The following ANK2 variants were observed in gnomAD, a reference collection of about 807,000 sequenced individuals.
ANK2 encodes the protein ankyrin 2.
In ANK2, 83 loss-of-function variants were observed where a neutral mutation model predicts 360.5. The ratio of observed to expected loss-of-function variants is 0.23; its 90% CI spans 0.19 to 0.28. ANK2 has a LOEUF of 0.28. ANK2 is among the 10% of genes least tolerant of loss of function. The pLI is 1.00. For synonymous variants in ANK2, 1,740 were observed against 1,759.5 expected (o/e 0.99, Z 0.28); for missense variants, 4,201 against 4,795.7 (o/e 0.88, Z 3.66).
In ANK2 at chr4:113,373,392, T is replaced by C. The variant is rs2096811530; in HGVS notation, c.11802T>C (p.Asp3934=). ...AACCTGTCAACATCGAGGAAGGGGA[T>C]GGCTATTCCAAAGTTATAAAGCGTG... ...PQEPVNIEEG[D]GYSKVIKRVV... Residue 3934 remains aspartate, a synonymous_variant, in exon 45 of 46, where the codon GAT becomes GAC. Coordinates refer to ENST00000357077, the MANE Select transcript of ANK2 (RefSeq NM_001148.6). The C allele has an allele frequency of 6.2e-7, 1 of 1,614,184 alleles. No individual in the cohort carries two copies. The highest frequency in any genetic ancestry group is 1.3e-5 in the African/African-American group (1 of 75,048).
the ANK2 span, among the ~76,000 whole-genome samples, chr4:112,745,723 G>A: frequency 3.4e-4 from 52 of 151,948 alleles, no homozygotes; most frequent in African/African-American, 8.9e-4. Flanking sequence ...AGTAGAGATG[G>A]GGTTTCTCCA....
At chr4:113,013,982 C>G (rs987537470) in intron 2 of ANK2, among the ~76,000 whole-genome samples, 1 of 151,756 alleles carries the variant, frequency 6.6e-6, no homozygotes, top group Admixed American at 6.6e-5. Flanking sequence ...TCATTCCAAT[C>G]TTGTATGTGG....
chr4:113,377,703 G>A (rs961456399), intron 45 of ANK2, among the ~76,000 whole-genome samples: 19 of 152,110 alleles, frequency 1.2e-4, no homozygotes, highest in African/African-American at 4.6e-4. Context: ...TTGACAACTG[G>A]CAATCTTGAA....
chr4:112,756,237 C>CAA, the ANK2 span, among the ~76,000 whole-genome samples: 2 of 119,734 alleles, frequency 1.7e-5, no homozygotes, highest in Non-Finnish European at 1.7e-5. Context: ...GACTCTGTCT[C>CAA]AAAAAAAAAA....
At chr4:113,341,658 T>C in intron 32 of ANK2, 30 bp from the exon 33 acceptor site, 2 of 1,608,314 alleles carry the variant, frequency 1.2e-6, no homozygotes, top group Non-Finnish European at 1.7e-6. Flanking sequence ...ACTTTGAACT[T>C]TAGATAACTG....
the ANK2 span, chr4:112,787,955 A>G: frequency 3.2e-6 from 2 of 623,492 alleles, no homozygotes; most frequent in Non-Finnish European, 5.7e-6. Context: ...TATGATCATT[A>G]TATGATCATT....
chr4:113,002,807 A>G (rs563448483), intron 2 of ANK2, among the ~76,000 whole-genome samples: 2 of 152,282 alleles, frequency 1.3e-5, no homozygotes, highest in African/African-American at 4.8e-5. Flanking sequence ...CCATCTTTTC[A>G]GTCTCATCTC....
intron 1 of ANK2, among the ~76,000 whole-genome samples, chr4:112,841,346 A>G (rs1199008403): frequency 6.6e-6 from 1 of 152,234 alleles, no homozygotes; most frequent in African/African-American, 2.4e-5. Flanking sequence ...TTATACGTTC[A>G]GTAAATATGG....
At position 113,383,634 on chromosome 4, in the gene ANK2, C is replaced by T. The variant is rs1221348964; in HGVS notation, c.*2163C>T. On this transcript the variant is annotated 3_prime_UTR_variant, in exon 46 of 46. Transcript: ENST00000357077. ...CACTAATTGAATATATCTATGAGGG[C>T]ATGTATTAGTTAATGGAAAAAAAAA... 2 of 152,370 alleles carry T rather than the reference C, an allele frequency of 1.3e-5. No individual in the cohort carries two copies. The highest frequency in any genetic ancestry group is 4.8e-5 in the African/African-American group (2 of 41,338). The allele number at this position is 152,370 out of a possible 1,614,324, so 9.4% of individuals were successfully genotyped here.
At chr4:113,374,792 C>T (rs1270376016) in intron 45 of ANK2, 1 of 1,200,592 alleles carries the variant, frequency 8.3e-7, no homozygotes, top group Non-Finnish European at 1.1e-6. Flanking sequence ...AGCATTTTGT[C>T]CAGTACCTCA....
At chr4:113,003,425 T>A (rs997234522) in intron 2 of ANK2, among the ~76,000 whole-genome samples, 1 of 151,994 alleles carries the variant, frequency 6.6e-6, no homozygotes, top group Non-Finnish European at 1.5e-5. Context: ...AAATAATGAA[T>A]CAAAAATTTA....
chr4:113,255,959 T>A (rs1586297363), intron 11 of ANK2, 27 bp downstream of exon 11: 1 of 1,606,984 alleles, frequency 6.2e-7, no homozygotes, highest in Admixed American at 1.7e-5. Context: ...CCACATTAAC[T>A]GAATACAGAT....
chr4:112,952,014 C>G (rs2095053634), intron 2 of ANK2, among the ~76,000 whole-genome samples: 1 of 152,170 alleles, frequency 6.6e-6, no homozygotes, highest in Non-Finnish European at 1.5e-5. Context: ...CTATTTCTCA[C>G]CATTGTACAA....
rs1408503954 is a variant in ANK2 at position 113,355,382 on chromosome 4, A to C, written c.6764A>C (p.Glu2255Ala). 3 of 1,613,932 alleles carry C rather than the reference A, an allele frequency of 1.9e-6. No homozygotes were observed. In the South Asian group the frequency reaches 3.3e-5, roughly 18 times the overall value. ...ESLSFSPKKS[E>A]EQTGETKEST... ...CTTTCTTTCTCACCAAAGAAAAGTG[A>C]GGAGCAAACTGGGGAAACAAAGGAA... Residue 2255 changes from glutamate (E) to alanine (A), a missense_variant, in exon 38 of 46, where the codon GAG becomes GCG. Physicochemically the swap from Glu to Ala is moderately radical, Grantham distance 107. Around this residue, in one of 4 missense-constraint regions of ANK2, gnomAD observed 2,642 missense variants for 2,714.5 expected, o/e 0.97. Coordinates refer to ENST00000357077, the MANE Select transcript of ANK2 (RefSeq NM_001148.6).
intron 1 of ANK2, among the ~76,000 whole-genome samples, chr4:112,847,494 T>G (rs2063594896): frequency 6.6e-6 from 1 of 152,180 alleles, no homozygotes; most frequent in Non-Finnish European, 1.5e-5. Context: ...TTGTATTATT[T>G]CAGAAGCCTC....
intron 1 of ANK2, among the ~76,000 whole-genome samples, chr4:113,112,047 A>C (rs779872081): frequency 1.3e-5 from 2 of 152,180 alleles, no homozygotes; most frequent in African/African-American, 2.4e-5. Context: ...CATAAAAAGA[A>C]GCTGTGTATG....
At position 112,895,583 on chromosome 4, in the gene ANK2, C is replaced by T. The variant is rs115955868; in HGVS notation, c.-39-8872C>T. Among the ~76,000 whole-genome samples, 414 of 152,150 alleles carry T rather than the reference C, an allele frequency of 2.7e-3. 2 individuals are homozygous for T. The highest frequency in any genetic ancestry group is 5.9e-3 in the Admixed American group (90 of 15,270). On this transcript the variant is annotated intron_variant, in intron 1 of 30. Coordinates refer to the ANK2 transcript ENST00000503271. The stretch of plus-strand genomic sequence containing the variant: ...TTTTTTTAATGCTCCACTGAGGCCA[C>T]AATTTTGCTATTATGCTCAGATAGC...
the ANK2 span, among the ~76,000 whole-genome samples, chr4:112,712,399 TATA>T: frequency 0.011 from 540 of 49,332 alleles, 9 homozygotes; most frequent in Non-Finnish European, 0.017. Flanking sequence ...TATATATATA[TATA>T]TATATTTTTT....
chr4:112,709,079 G>C, the ANK2 span, among the ~76,000 whole-genome samples: 1 of 152,182 alleles, frequency 6.6e-6, no homozygotes, highest in Non-Finnish European at 1.5e-5. Flanking sequence ...TCTGCTAAGG[G>C]AGAGATAACT....
Sources: allele counts gnomAD v4.1 joint callset (sites outside exome capture counted in the v4.1 genomes callset), GRCh38; gene constraint gnomAD v4.1.1; regional missense constraint gnomAD v4.1.1; transcripts MANE v1.5; gene names NCBI Gene and HGNC (gene_info 2026-07-23, HGNC 2026-07-21).